The following AGBL4 variants were observed in gnomAD, a reference collection of about 807,000 sequenced individuals.
AGBL4 encodes AGBL carboxypeptidase 4.
Under a neutral mutation model 66.4 loss-of-function variants are expected in AGBL4, and 58 were observed. That is an observed-to-expected ratio of 0.87 (90% CI 0.71 to 1.09). AGBL4 has a LOEUF of 1.09. AGBL4 is among the 50% of genes least tolerant of loss of function. AGBL4 has a pLI of 0.00. For missense variants in AGBL4, 579 were observed against 631.0 expected, an observed-to-expected ratio of 0.92 and a Z score of 0.88; for synonymous variants, 234 against 222.9, an observed-to-expected ratio of 1.05 and a Z score of -0.44.
chr1:49,497,397 T>C (rs1647700448), intron 3 of AGBL4, among the ~76,000 whole-genome samples: 1 of 151,996 alleles, frequency 6.6e-6, no homozygotes, highest in Admixed American at 6.6e-5. Context: ...TATTTTCAAT[T>C]TTGATGCCTG....
intron 6 of AGBL4, among the ~76,000 whole-genome samples, chr1:48,797,722 T>C (rs1412392944): frequency 6.6e-6 from 1 of 152,102 alleles, no homozygotes; most frequent in East Asian, 1.9e-4. Context: ...AATTTTTGTA[T>C]TTTTAGTAGA....
chr1:48,647,263 C>T (rs1232626940), intron 8 of AGBL4, among the ~76,000 whole-genome samples: 1 of 152,222 alleles, frequency 6.6e-6, no homozygotes, highest in Non-Finnish European at 1.5e-5. Flanking sequence ...CCCACCTCCA[C>T]ACTCCCAAGA....
At chr1:48,653,191 T>G (rs761871224) in intron 8 of AGBL4, 146 bp downstream of exon 8, 98 of 629,386 alleles carry the variant, frequency 1.6e-4, no homozygotes, top group Admixed American at 3.0e-4. Flanking sequence ...TTAAAGAAAT[T>G]CTCAAGAGCC....
chr1:49,672,921 C>CAAAAAAAAAAAAAAAA (rs60612868), intron 3 of AGBL4, among the ~76,000 whole-genome samples: 21 of 47,006 alleles, frequency 4.5e-4, no homozygotes, highest in South Asian at 8.8e-4. Context: ...AACTCCATCT[C>CAAAAAAAAAAAAAAAA]AAAAAAAAAA....
At chr1:49,684,426 C>T (rs1243445481) in intron 3 of AGBL4, among the ~76,000 whole-genome samples, 1 of 152,008 alleles carries the variant, frequency 6.6e-6, no homozygotes, top group East Asian at 1.9e-4. Flanking sequence ...CAATAAGTTT[C>T]CAGTCTAAAT....
intron 6 of AGBL4, among the ~76,000 whole-genome samples, chr1:48,682,565 A>T (rs1343423778): frequency 1.3e-5 from 2 of 152,008 alleles, no homozygotes; most frequent in African/African-American, 2.4e-5. Context: ...GCTAATTTTT[A>T]AAATTCCTTG....
chr1:49,645,784 A>C (rs1645874899), intron 3 of AGBL4, among the ~76,000 whole-genome samples: 1 of 150,920 alleles, frequency 6.6e-6, no homozygotes, highest in African/African-American at 2.4e-5. Flanking sequence ...AAAAAAAAAG[A>C]ATGTTTATCA....
At chr1:49,549,029 A>G (rs1191479166) in intron 3 of AGBL4, among the ~76,000 whole-genome samples, 2 of 151,744 alleles carry the variant, frequency 1.3e-5, no homozygotes, top group African/African-American at 4.8e-5. Context: ...GAATTTATCC[A>G]TCTCTTCTAG....
chr1:48,806,552 A>G (rs1045459459), intron 6 of AGBL4, among the ~76,000 whole-genome samples: 1 of 152,094 alleles, frequency 6.6e-6, no homozygotes, highest in African/African-American at 2.4e-5. Flanking sequence ...AAAGTCATTG[A>G]CCCTATCCCT....
At chr1:48,741,139 T>C (rs1404469346) in intron 6 of AGBL4, among the ~76,000 whole-genome samples, 1 of 152,192 alleles carries the variant, frequency 6.6e-6, no homozygotes, top group Non-Finnish European at 1.5e-5. Flanking sequence ...TCTTGGAAGC[T>C]ACTTTAAGAA....
chr1:48,549,423 C>A (rs1253308167), intron 11 of AGBL4, among the ~76,000 whole-genome samples: 2 of 152,192 alleles, frequency 1.3e-5, no homozygotes, highest in East Asian at 3.9e-4. Context: ...AGTCCAGAGG[C>A]ACCCCCTAGG....
At chr1:48,716,890 G>A (rs1016331827) in intron 6 of AGBL4, among the ~76,000 whole-genome samples, 2 of 152,334 alleles carry the variant, frequency 1.3e-5, no homozygotes, top group Admixed American at 1.3e-4. Flanking sequence ...AATCTAGTCA[G>A]GAAGACAGGT....
intron 8 of AGBL4, among the ~76,000 whole-genome samples, chr1:48,641,004 A>G (rs922027393): frequency 6.6e-6 from 1 of 152,088 alleles, no homozygotes; most frequent in African/African-American, 2.4e-5. Context: ...CTCCAGATCA[A>G]TCTTGCCCTG....
chr1:49,190,961 G>T (rs1484691584), intron 4 of AGBL4, among the ~76,000 whole-genome samples: 1 of 152,160 alleles, frequency 6.6e-6, no homozygotes, highest in Non-Finnish European at 1.5e-5. Flanking sequence ...TTCTCAATTG[G>T]ACTGGAAATA....
rs145137666 is a variant in AGBL4, at chr1:49,378,329, G to A, written c.283-132465C>T. 1.7e-3 allele frequency among the ~76,000 whole-genome samples: 252 copies of A among 152,184 alleles called. 2 individuals are homozygous for A. The South Asian group carries it at 0.021, about 13-fold the overall frequency. On this transcript the variant is annotated intron_variant, in intron 3 of 13. Transcript: ENST00000371839. Reference sequence around the variant, plus strand: ...CATATTTTCTTTGTGATCTGGGGACGTAATCTATATCCCACCTCTTAATCT... The same window carrying A: ...CATATTTTCTTTGTGATCTGGGGACATAATCTATATCCCACCTCTTAATCT...
At chr1:49,851,058 CTAGA>C (rs1646290115) in intron 2 of AGBL4, among the ~76,000 whole-genome samples, 2 of 152,120 alleles carry the variant, frequency 1.3e-5, no homozygotes, top group East Asian at 3.9e-4. Context: ...TCATACAGAA[CTAGA>C]TAGATATTAT....
At chr1:49,639,015 C>T (rs1368988142) in intron 3 of AGBL4, among the ~76,000 whole-genome samples, 1 of 152,088 alleles carries the variant, frequency 6.6e-6, no homozygotes, top group Non-Finnish European at 1.5e-5. Flanking sequence ...ACACAAAGTG[C>T]CCTAATAGAC....
intron 4 of AGBL4, among the ~76,000 whole-genome samples, chr1:49,238,102 T>C (rs769275901): frequency 9.2e-5 from 14 of 152,186 alleles, no homozygotes; most frequent in Non-Finnish European, 1.3e-4. Flanking sequence ...CATTTTTCTC[T>C]TATTGTTTTC....
intron 1 of AGBL4, among the ~76,000 whole-genome samples, chr1:50,004,374 G>A (rs1456989783): frequency 6.6e-6 from 1 of 152,198 alleles, no homozygotes; most frequent in Non-Finnish European, 1.5e-5. Flanking sequence ...CACTAGGACT[G>A]TAATTCCTGG....
Sources: gnomAD v4.1 joint callset for allele counts (sites outside exome capture counted in the v4.1 genomes callset) on GRCh38, gnomAD v4.1.1 for gene constraint, MANE v1.5 for transcripts, NCBI Gene and HGNC (gene_info 2026-07-23, HGNC 2026-07-21) for gene names.